Variants in CNTLN observed in about 807,000 individuals in gnomAD.
The protein encoded by CNTLN is centlein.
CNTLN carries 212 observed loss-of-function variants against 180.0 expected under a neutral mutation model. The observed-to-expected ratio is 1.18, with a 90% CI of 1.05 to 1.32. CNTLN has a LOEUF of 1.32. Among genes scored for constraint, CNTLN ranks in the 40% most tolerant of loss-of-function variants. The pLI is 0.00. For synonymous variants in CNTLN, 722 were observed against 563.1 expected, an observed-to-expected ratio of 1.28 and a Z score of -3.99; for missense variants, 2,095 against 1,610.9, an observed-to-expected ratio of 1.30 and a Z score of -5.14.
intron 6 of CNTLN, 57 bp from the exon 7 acceptor site, chr9:17,298,133 T>C: frequency 7.5e-7 from 1 of 1,340,394 alleles, no homozygotes; most frequent in Non-Finnish European, 9.7e-7. Flanking sequence ...AACACAATTA[T>C]TTAACTGAGA....
intron 6 of CNTLN, among the ~76,000 whole-genome samples, chr9:17,281,802 C>A (rs780278892): frequency 8.5e-5 from 13 of 152,108 alleles, no homozygotes; most frequent in Non-Finnish European, 1.5e-4. Flanking sequence ...GGTATATATA[C>A]CCAGTAATGG....
chr9:17,135,748 T>A (rs1030355875), intron 1 of CNTLN, among the ~76,000 whole-genome samples: 2 of 152,190 alleles, frequency 1.3e-5, no homozygotes, highest in Non-Finnish European at 2.9e-5. Context: ...TGACGGTAGC[T>A]GATACCTGCC....
At chr9:17,249,345 G>GTTTTTTTTTT (rs558059269) in intron 5 of CNTLN, among the ~76,000 whole-genome samples, 10 of 124,932 alleles carry the variant, frequency 8.0e-5, no homozygotes, top group African/African-American at 1.7e-4. Context: ...TTCTTTGATT[G>GTTTTTTTTTT]TTTTTTTTGT....
intron 2 of CNTLN, among the ~76,000 whole-genome samples, chr9:17,175,522 TAC>T (rs1333608011): frequency 6.6e-6 from 1 of 152,202 alleles, no homozygotes; most frequent in Admixed American, 6.5e-5. Context: ...TTTCTGTCAA[TAC>T]CATACCATCT....
chr9:17,223,679 G>A (rs969062715), intron 2 of CNTLN, among the ~76,000 whole-genome samples: 1 of 151,886 alleles, frequency 6.6e-6, no homozygotes, highest in Non-Finnish European at 1.5e-5. Context: ...CTTCTAACTT[G>A]TCTTTTTGCT....
At chr9:17,500,233 C>T (rs1196019769) in intron 25 of CNTLN, among the ~76,000 whole-genome samples, 2 of 152,044 alleles carry the variant, frequency 1.3e-5, no homozygotes. Context: ...TTATTGGGAG[C>T]CAGGGCAAGA....
chr9:17,263,115 A>T (rs1027432231), intron 5 of CNTLN, among the ~76,000 whole-genome samples: 1 of 150,698 alleles, frequency 6.6e-6, no homozygotes, highest in East Asian at 2.0e-4. Context: ...ATATGTATAC[A>T]TGTGCCATGT....
intron 5 of CNTLN, among the ~76,000 whole-genome samples, chr9:17,260,077 A>G (rs527682079): frequency 0.019 from 2,746 of 144,446 alleles, 209 homozygotes; most frequent in African/African-American, 0.072. Flanking sequence ...TAGGGTGTCA[A>G]TTTTGGATCT....
At chr9:17,396,216 C>G (rs1439752406) in intron 15 of CNTLN, among the ~76,000 whole-genome samples, 7 of 152,218 alleles carry the variant, frequency 4.6e-5, no homozygotes, top group African/African-American at 1.7e-4. Flanking sequence ...CAGGGCTACT[C>G]TGTCTATGGA....
At chr9:17,202,652 T>TTTTTTTG (rs1822622086) in intron 2 of CNTLN, among the ~76,000 whole-genome samples, 1 of 106,404 alleles carries the variant, frequency 9.4e-6, no homozygotes, top group African/African-American at 4.3e-5. Flanking sequence ...CTCTGTTTTT[T>TTTTTTTG]TTTTTTTTTT....
intron 14 of CNTLN, among the ~76,000 whole-genome samples, chr9:17,391,899 T>C (rs531381835): frequency 6.6e-6 from 1 of 152,318 alleles, no homozygotes; most frequent in South Asian, 2.1e-4. Flanking sequence ...TATCCTCATT[T>C]CACAGATGAG....
chr9:17,250,256 G>T (rs1223836751), intron 5 of CNTLN, among the ~76,000 whole-genome samples: 1 of 151,558 alleles, frequency 6.6e-6, no homozygotes, highest in Non-Finnish European at 1.5e-5. Context: ...TGTATCTTTG[G>T]ATTTAAAGTG....
Position 17,398,158 on chromosome 9 carries a change from T to G in CNTLN, c.2615+3089T>G, listed in dbSNP as rs560528377. Among the ~76,000 whole-genome samples, 3 of 152,140 alleles carry G rather than the reference T, an allele frequency of 2.0e-5. No individual in the cohort carries two copies. The East Asian group carries it at 5.8e-4, about 29-fold the overall frequency. On this transcript the variant is annotated intron_variant, in intron 15 of 25. Transcript: ENST00000380647. ...TGATGGGTTTTATCAGGAGGAGGTGTTTATATCTTCAAGAAGAAAAATAGA... is the reference window on the plus strand; with the variant it reads ...TGATGGGTTTTATCAGGAGGAGGTGGTTATATCTTCAAGAAGAAAAATAGA...
chr9:17,309,010 A>T, intron 7 of CNTLN, 48 bp from the exon 8 acceptor site: 1 of 1,286,594 alleles, frequency 7.8e-7, no homozygotes, highest in Non-Finnish European at 1.1e-6. Context: ...ACACAGACAC[A>T]TAGTTTTATT....
chr9:17,273,893 C>T (rs1828117342), intron 6 of CNTLN, 27 bp downstream of exon 6: 1 of 1,471,970 alleles, frequency 6.8e-7, no homozygotes, highest in Non-Finnish European at 9.1e-7. Flanking sequence ...TTTAATTTAA[C>T]ATCATAGAAA....
At chr9:17,490,056 A>G (rs1833073171) in intron 25 of CNTLN, among the ~76,000 whole-genome samples, 1 of 152,160 alleles carries the variant, frequency 6.6e-6, no homozygotes, top group Non-Finnish European at 1.5e-5. Flanking sequence ...AACCACCAAA[A>G]TTACTTTGTC....
At chr9:17,354,374 C>G (rs1822641695) in intron 12 of CNTLN, among the ~76,000 whole-genome samples, 1 of 152,226 alleles carries the variant, frequency 6.6e-6, no homozygotes, top group African/African-American at 2.4e-5. Flanking sequence ...GGTGCGGGAT[C>G]CACTGGGTGA....
chr9:17,528,509 A>G, the CNTLN span, among the ~76,000 whole-genome samples: 3 of 152,216 alleles, frequency 2.0e-5, no homozygotes, highest in East Asian at 1.9e-4. Context: ...CCCACCCGAA[A>G]GGACACTGAG....
In CNTLN at chr9:17,370,199, A is replaced by G. The variant is rs113316503; in HGVS notation, c.1987+3482A>G. The stretch of plus-strand genomic sequence containing the variant: ...TAGCAAAAGATAACAATATTCAACT[A>G]TGAGAAAGTTGTAGAACACCAAGCA... On this transcript the variant is annotated intron_variant, in intron 13 of 25. Coordinates refer to ENST00000380647, the MANE Select transcript of CNTLN (RefSeq NM_017738.4). Among the ~76,000 whole-genome samples, 330 of 152,324 alleles carry G rather than the reference A, an allele frequency of 2.2e-3. 1 individual carries two copies. The highest frequency in any genetic ancestry group is 7.6e-3 in the African/African-American group (314 of 41,580).
Sources: gnomAD v4.1 joint callset for allele counts (sites outside exome capture counted in the v4.1 genomes callset) on GRCh38, gnomAD v4.1.1 for gene constraint, MANE v1.5 for transcripts, NCBI Gene and HGNC (gene_info 2026-07-23, HGNC 2026-07-21) for gene names.